CSMD1: variants seen among roughly 807,000 people sequenced by gnomAD.
CSMD1 encodes the protein CUB and Sushi multiple domains 1, also known as CUB and sushi domain-containing protein 1.
A neutral mutation model predicts 417.5 loss-of-function variants in CSMD1; 213 were observed. That is an observed-to-expected ratio of 0.51 (90% CI 0.46 to 0.57). The LOEUF is 0.57. Ranked by LOEUF, CSMD1 falls within the 20% of genes least tolerant of loss-of-function variation. The pLI is 0.00. For synonymous variants in CSMD1, 2,862 were observed against 1,736.8 expected, an observed-to-expected ratio of 1.65 and a Z score of -16.11; for missense variants, 6,923 against 4,529.7, an observed-to-expected ratio of 1.53 and a Z score of -15.17.
intron 1 of CSMD1, among the ~76,000 whole-genome samples, chr8:4,668,414 CCATTAT>C (rs1196374295): frequency 8.1e-6 from 1 of 123,198 alleles, no homozygotes; most frequent in Non-Finnish European, 1.7e-5. Context: ...TTGATGTTTT[CCATTAT>C]TATTATTATT....
At chr8:4,369,742 T>C (rs918162398) in intron 3 of CSMD1, among the ~76,000 whole-genome samples, 7 of 152,162 alleles carry the variant, frequency 4.6e-5, no homozygotes, top group African/African-American at 1.2e-4. Context: ...TTTTCTCTAA[T>C]ATAGAATTAG....
intron 5 of CSMD1, among the ~76,000 whole-genome samples, chr8:3,787,285 T>C (rs570840096): frequency 3.9e-5 from 6 of 152,212 alleles, no homozygotes; most frequent in Non-Finnish European, 7.4e-5. Context: ...CCATAATCAA[T>C]TTTAGAAAAT....
At chr8:3,396,772 C>T (rs377564278) in intron 16 of CSMD1, among the ~76,000 whole-genome samples, 19 of 152,052 alleles carry the variant, frequency 1.2e-4, no homozygotes, top group African/African-American at 4.6e-4. Flanking sequence ...TTTTACCATT[C>T]CCTATTTAAC....
chr8:4,433,134 G>T (rs1022080469), intron 2 of CSMD1, among the ~76,000 whole-genome samples: 1 of 152,194 alleles, frequency 6.6e-6, no homozygotes, highest in African/African-American at 2.4e-5. Flanking sequence ...ACCAGTTGCA[G>T]AAAAACAAGC....
At chr8:3,030,701 T>C (rs1810287299) in intron 50 of CSMD1, among the ~76,000 whole-genome samples, 1 of 152,038 alleles carries the variant, frequency 6.6e-6, no homozygotes, top group Non-Finnish European at 1.5e-5. Context: ...GCCAGGCTGC[T>C]CTTGAACTCC....
At chr8:4,251,336 T>A (rs1803057811) in intron 3 of CSMD1, among the ~76,000 whole-genome samples, 1 of 152,178 alleles carries the variant, frequency 6.6e-6, no homozygotes, top group African/African-American at 2.4e-5. Flanking sequence ...TATGCCACAT[T>A]TAATAAAATG....
At position 4,617,204 on chromosome 8, in the gene CSMD1, T is replaced by C. The variant is rs368516396; in HGVS notation, c.302+20138A>G. 6.3e-4 allele frequency among the ~76,000 whole-genome samples: 96 copies of C among 152,288 alleles called. 2 individuals carry two copies. The South Asian group carries it at 0.013, about 21-fold the overall frequency. The stretch of plus-strand genomic sequence containing the variant: ...ACTTTGATTTAATCAAATTAGTTTT[T>C]GCAACTTTATACAAATAGTGAATAA... On this transcript the variant is annotated intron_variant, in intron 2 of 69. Coordinates refer to ENST00000635120, the MANE Select transcript of CSMD1 (RefSeq NM_033225.6).
chr8:4,095,681 A>G (rs1156972629), intron 3 of CSMD1, among the ~76,000 whole-genome samples: 33 of 152,176 alleles, frequency 2.2e-4, no homozygotes, highest in Admixed American at 2.2e-3. Context: ...TGTAAAATTA[A>G]AAGGTTATAG....
chr8:4,519,492 C>A (rs992136494), intron 2 of CSMD1, among the ~76,000 whole-genome samples: 3 of 151,832 alleles, frequency 2.0e-5, no homozygotes, highest in African/African-American at 7.3e-5. Context: ...GTAACCCCAG[C>A]ACTTTGGGAG....
chr8:4,791,083 T>TGA (rs1387068151), intron 1 of CSMD1, among the ~76,000 whole-genome samples: 10 of 147,378 alleles, frequency 6.8e-5, no homozygotes, highest in Non-Finnish European at 3.1e-5. Flanking sequence ...AGAGAGACGG[T>TGA]GAGAGAGACG....
At chr8:3,881,093 C>G (rs1326479329) in intron 5 of CSMD1, among the ~76,000 whole-genome samples, 1 of 152,094 alleles carries the variant, frequency 6.6e-6, no homozygotes, top group Non-Finnish European at 1.5e-5. Context: ...TGCACGAAAT[C>G]TGAAATATTA....
At chr8:4,708,408 T>A (rs1047710047) in intron 1 of CSMD1, among the ~76,000 whole-genome samples, 1 of 152,204 alleles carries the variant, frequency 6.6e-6, no homozygotes, top group Non-Finnish European at 1.5e-5. Context: ...AATATGTATC[T>A]GGTAAAAAGT....
At chr8:2,999,868 G>T in intron 53 of CSMD1, 90 bp downstream of exon 53, 1 of 1,128,528 alleles carries the variant, frequency 8.9e-7, no homozygotes, top group Non-Finnish European at 1.2e-6. Flanking sequence ...TTACAGTGAA[G>T]ATTAAACAGG....
intron 3 of CSMD1, among the ~76,000 whole-genome samples, chr8:4,311,371 C>T (rs1798556442): frequency 6.6e-6 from 1 of 152,072 alleles, no homozygotes; most frequent in African/African-American, 2.4e-5. Flanking sequence ...GAGCTGGAGG[C>T]CATTATTCTT....
intron 6 of CSMD1, among the ~76,000 whole-genome samples, chr8:3,730,796 T>C (rs1336901948): frequency 6.6e-6 from 1 of 152,182 alleles, no homozygotes; most frequent in Non-Finnish European, 1.5e-5. Context: ...TAACCTAATA[T>C]TTTGACATGT....
At position 4,526,215 on chromosome 8, in the gene CSMD1, C is replaced by T. The variant is rs145496728; in HGVS notation, c.303-106150G>A. ...TTGTAGTTCACAGTATTATTTCATGCGCTACATTTGATTATAATACTAGAC... is the reference window on the plus strand; with the variant it reads ...TTGTAGTTCACAGTATTATTTCATGTGCTACATTTGATTATAATACTAGAC... On this transcript the variant is annotated intron_variant, in intron 2 of 69. Transcript: ENST00000635120. 4.3e-4 allele frequency among the ~76,000 whole-genome samples: 66 copies of T among 152,220 alleles called. No individual in the cohort carries two copies. In the East Asian group the frequency reaches 7.2e-3, roughly 17 times the overall value.
At chr8:4,959,829 C>G (rs574310067) in intron 1 of CSMD1, among the ~76,000 whole-genome samples, 1 of 152,316 alleles carries the variant, frequency 6.6e-6, no homozygotes, top group African/African-American at 2.4e-5. Context: ...AGCTAACTAC[C>G]TAACCATTTA....
chr8:4,478,181 T>A (rs1347043869), intron 2 of CSMD1, among the ~76,000 whole-genome samples: 1 of 152,182 alleles, frequency 6.6e-6, no homozygotes, highest in Non-Finnish European at 1.5e-5. Flanking sequence ...CTTCTTCCCC[T>A]CTTTTTATAT....
At chr8:4,753,432 CACACACACACACACAT>C (rs1225945001) in intron 1 of CSMD1, among the ~76,000 whole-genome samples, 2 of 111,486 alleles carry the variant, frequency 1.8e-5, no homozygotes, top group African/African-American at 3.0e-5. Flanking sequence ...CACACACACA[CACACACACACACACAT>C]GCGCACACAC....
Sources: allele counts gnomAD v4.1 joint callset (sites outside exome capture counted in the v4.1 genomes callset), GRCh38; gene constraint gnomAD v4.1.1; transcripts MANE v1.5; gene names NCBI Gene and HGNC (gene_info 2026-07-23, HGNC 2026-07-21).